The following PIP5K1A variants were observed in gnomAD, a reference collection of about 807,000 sequenced individuals.
PIP5K1A encodes the protein phosphatidylinositol-4-phosphate 5-kinase type 1 alpha.
In PIP5K1A, 46 loss-of-function variants were observed where a neutral mutation model predicts 72.9. The observed-to-expected ratio is 0.63, with a 90% CI of 0.50 to 0.81. The LOEUF (loss-of-function observed/expected upper bound fraction) is 0.81, where lower values mean the gene tolerates loss of function less well. Ranked by LOEUF, PIP5K1A falls within the 30% of genes least tolerant of loss-of-function variation. The probability of loss-of-function intolerance (pLI) is 0.00; values close to 1 mark genes in which losing one functional copy is unlikely to be tolerated. For synonymous variants in PIP5K1A, 228 were observed against 255.1 expected (o/e 0.89, Z 1.01); for missense variants, 458 against 706.1 (o/e 0.65, Z 3.98).
At chr1:151,227,193 A>AT (rs1350972112) in intron 3 of PIP5K1A, 127 bp from the exon 4 acceptor site, 1 of 621,602 alleles carries the variant, frequency 1.6e-6, no homozygotes, top group African/African-American at 1.8e-5. Context: ...AGATCTGAAG[A>AT]TTTTGTAAAA....
At chr1:151,247,488 C>T (rs1035498463) in intron 15 of PIP5K1A, among the ~76,000 whole-genome samples, 4 of 151,986 alleles carry the variant, frequency 2.6e-5, no homozygotes, top group East Asian at 1.9e-4. Flanking sequence ...TGCAGTGGCG[C>T]GATCTCGGCT....
In PIP5K1A at chr1:151,232,332, G is replaced by A. The variant is rs1038045711; in HGVS notation, c.453G>A (p.Arg151=). ...TYAPVAFRYF[R]ELFGIRPDDY... The stretch of plus-strand genomic sequence containing the variant: ...CACCTGTTGCCTTCCGCTACTTCCG[G>A]GAGCTATTTGGTATCCGGCCCGATG... Residue 151 remains arginine, a synonymous_variant, in exon 6 of 16, where the codon CGG becomes CGA. Transcript: ENST00000368888. 3.1e-6 allele frequency: 5 copies of A among 1,613,852 alleles called. No individual in the cohort carries two copies.
rs190712908 is a variant in PIP5K1A, at chr1:151,211,944, A to T, written c.86-12301A>T. 5.9e-3 allele frequency among the ~76,000 whole-genome samples: 902 copies of T among 151,888 alleles called. 7 individuals are homozygous for T. Among genetic ancestry groups the T allele is most frequent in the Admixed American group, 0.01 (158 of 15,220 alleles). ...TGGTGAAACCCCGTCTCTACTAAAAACAAAAAATAAAAAAAAAATTAGCTG... is the reference window on the plus strand; with the variant it reads ...TGGTGAAACCCCGTCTCTACTAAAATCAAAAAATAAAAAAAAAATTAGCTG... On this transcript the variant is annotated intron_variant, in intron 1 of 15. Coordinates refer to ENST00000368888, the MANE Select transcript of PIP5K1A (RefSeq NM_001135638.2).
intron 1 of PIP5K1A, among the ~76,000 whole-genome samples, chr1:151,208,169 T>G (rs1686214841): frequency 6.6e-6 from 1 of 152,014 alleles, no homozygotes; most frequent in Admixed American, 6.6e-5. Flanking sequence ...TGGCTCATTC[T>G]TTGATATACT....
chr1:151,220,217 G>A (rs1240061705), intron 1 of PIP5K1A, among the ~76,000 whole-genome samples: 2 of 151,678 alleles, frequency 1.3e-5, no homozygotes, highest in Non-Finnish European at 2.9e-5. Flanking sequence ...TGCTAGCCAG[G>A]ATGATCTCGA....
chr1:151,207,961 T>G (rs1173406410), intron 1 of PIP5K1A, among the ~76,000 whole-genome samples: 2 of 150,642 alleles, frequency 1.3e-5, no homozygotes. Context: ...TCCTCCTGAG[T>G]TCAAGTGATT....
chr1:151,227,791 C>A (rs1689373259), intron 4 of PIP5K1A, among the ~76,000 whole-genome samples: 2 of 152,080 alleles, frequency 1.3e-5, no homozygotes, highest in African/African-American at 4.8e-5. Context: ...GATGTTGAGG[C>A]ACGAGAATCG....
intron 14 of PIP5K1A, among the ~76,000 whole-genome samples, chr1:151,245,474 T>A (rs1316475265): frequency 3.9e-5 from 6 of 152,136 alleles, no homozygotes; most frequent in Middle Eastern, 3.2e-3. Flanking sequence ...TTTGTTTTGA[T>A]TTTGTTTTTC....
At chr1:151,209,190 G>A (rs1176748275) in intron 1 of PIP5K1A, among the ~76,000 whole-genome samples, 1 of 152,124 alleles carries the variant, frequency 6.6e-6, no homozygotes, top group Non-Finnish European at 1.5e-5. Flanking sequence ...AGTTAACTAG[G>A]ACCAGAGAGA....
chr1:151,205,219 C>T (rs1340126210), intron 1 of PIP5K1A, among the ~76,000 whole-genome samples: 1 of 152,050 alleles, frequency 6.6e-6, no homozygotes, highest in African/African-American at 2.4e-5. Context: ...AGGCTACAGA[C>T]CAGTGTAGTG....
At chr1:151,247,334 G>A (rs779946804) in intron 15 of PIP5K1A, among the ~76,000 whole-genome samples, 25 of 151,732 alleles carry the variant, frequency 1.6e-4, no homozygotes, top group Non-Finnish European at 3.5e-4. Flanking sequence ...TCATCATATT[G>A]GACAGGCTGG....
intron 4 of PIP5K1A, among the ~76,000 whole-genome samples, chr1:151,230,949 A>G (rs1044714230): frequency 5.3e-5 from 8 of 152,240 alleles, no homozygotes; most frequent in African/African-American, 1.9e-4. Context: ...AGGGCTGGGC[A>G]TGGTGGCTCA....
intron 1 of PIP5K1A, among the ~76,000 whole-genome samples, chr1:151,219,457 C>T (rs936716376): frequency 6.7e-6 from 1 of 149,814 alleles, no homozygotes; most frequent in African/African-American, 2.5e-5. Flanking sequence ...GAGGCTGAGG[C>T]GGGCGGGTCA....
rs1342696083 is a variant in PIP5K1A at position 151,231,738 on chromosome 1, C to T, written c.305C>T (p.Thr102Ile). The T allele has an allele frequency of 6.2e-7, 1 of 1,613,476 alleles. No homozygotes were observed. Among genetic ancestry groups the T allele is most frequent in the Non-Finnish European group, 8.5e-7 (1 of 1,179,542 alleles). ...GITHTVGSLS[T>I]KPERDVLMQD... Reference sequence around the variant, plus strand: ...ACCCACACTGTGGGGAGCCTGAGTACCAAACCAGAGCGTGATGTCCTCATG... The same window carrying T: ...ACCCACACTGTGGGGAGCCTGAGTATCAAACCAGAGCGTGATGTCCTCATG... Residue 102 changes from threonine to isoleucine, a missense_variant, in exon 5 of 16, where the codon ACC (threonine) becomes ATC (isoleucine). By Grantham distance (89) the Thr-to-Ile change is moderately conservative. This residue lies in a region of PIP5K1A where 220 missense variants were observed against 442.6 expected (regional missense o/e 0.50). Transcript: ENST00000368888.
At chr1:151,243,938 C>T (rs1030536400) in intron 14 of PIP5K1A, among the ~76,000 whole-genome samples, 34 of 152,152 alleles carry the variant, frequency 2.2e-4, no homozygotes, top group African/African-American at 7.0e-4. Flanking sequence ...ATCTTCTGAA[C>T]AGCCTTTTGT....
chr1:151,223,340 C>T (rs192434122), intron 1 of PIP5K1A, among the ~76,000 whole-genome samples: 2 of 140,276 alleles, frequency 1.4e-5, no homozygotes, highest in East Asian at 4.3e-4. Context: ...ACCAGCAAAA[C>T]TCCGTCTCAA....
intron 7 of PIP5K1A, chr1:151,233,614 A>G (rs1216666030): frequency 4.0e-5 from 6 of 151,878 alleles, no homozygotes; most frequent in African/African-American, 9.7e-5. Flanking sequence ...ATTTTTATAA[A>G]TTTTTAGTAG....
chr1:151,227,269 T>C, intron 3 of PIP5K1A, 51 bp from the exon 4 acceptor site: 1 of 1,028,680 alleles, frequency 9.7e-7, no homozygotes, highest in Non-Finnish European at 1.5e-6. Context: ...TTGTGGTAGC[T>C]ATTTGGTGTC....
At chr1:151,247,596 T>G (rs1021942218) in intron 15 of PIP5K1A, among the ~76,000 whole-genome samples, 2 of 152,118 alleles carry the variant, frequency 1.3e-5, no homozygotes, top group African/African-American at 4.8e-5. Flanking sequence ...CGGCTAATTT[T>G]TTGTATTTTT....
Sources: gnomAD v4.1 joint callset for allele counts (sites outside exome capture counted in the v4.1 genomes callset) on GRCh38, gnomAD v4.1.1 for gene constraint, gnomAD v4.1.1 regional missense constraint, MANE v1.5 for transcripts, NCBI Gene and HGNC (gene_info 2026-07-23, HGNC 2026-07-21) for gene names.